PITPNC1: variants seen among roughly 807,000 people sequenced by gnomAD.
PITPNC1 encodes cytoplasmic phosphatidylinositol transfer protein 1.
Under a neutral mutation model 44.7 loss-of-function variants are expected in PITPNC1, and 18 were observed. The ratio of observed to expected loss-of-function variants is 0.40; its 90% CI spans 0.28 to 0.60. The LOEUF is 0.60. Among genes scored for constraint, PITPNC1 ranks in the 20% least tolerant of loss-of-function variants. PITPNC1 has a pLI of 0.39. For missense variants in PITPNC1, 290 were observed against 418.4 expected, an observed-to-expected ratio of 0.69 and a Z score of 2.68; for synonymous variants, 141 against 149.6, an observed-to-expected ratio of 0.94 and a Z score of 0.42.
At chr17:67,509,944 A>G (rs2040160417) in intron 1 of PITPNC1, among the ~76,000 whole-genome samples, 1 of 152,250 alleles carries the variant, frequency 6.6e-6, no homozygotes, top group Non-Finnish European at 1.5e-5. Flanking sequence ...CGTCTAGAAC[A>G]CAGCCGGCTC....
chr17:67,642,956 T>C (rs2042106943), intron 6 of PITPNC1, among the ~76,000 whole-genome samples: 1 of 152,132 alleles, frequency 6.6e-6, no homozygotes, highest in Non-Finnish European at 1.5e-5. Context: ...ATCCTACCAA[T>C]TGAATTTGGT....
At chr17:67,477,954 C>T (rs939313398) in intron 1 of PITPNC1, among the ~76,000 whole-genome samples, 3 of 152,102 alleles carry the variant, frequency 2.0e-5, no homozygotes. Flanking sequence ...CTGGGTCCTT[C>T]CTGTTGAGAG....
intron 1 of PITPNC1, among the ~76,000 whole-genome samples, chr17:67,406,102 G>A (rs1392305794): frequency 2.0e-5 from 3 of 152,066 alleles, no homozygotes; most frequent in Non-Finnish European, 4.4e-5. Flanking sequence ...TTAAGGTTAT[G>A]CACCCATCAC....
chr17:67,419,154 G>T (rs1419114316), intron 1 of PITPNC1, among the ~76,000 whole-genome samples: 1 of 139,592 alleles, frequency 7.2e-6, no homozygotes, highest in East Asian at 1.9e-4. Context: ...GCATGCTTGG[G>T]GGAGAAGGAG....
chr17:67,488,327 C>G (rs17654536), intron 1 of PITPNC1, among the ~76,000 whole-genome samples: 1 of 152,100 alleles, frequency 6.6e-6, no homozygotes, highest in African/African-American at 2.4e-5. Context: ...GCTGGCAGCC[C>G]GGTTGTTATA....
chr17:67,410,636 T>C (rs573184181), intron 1 of PITPNC1, among the ~76,000 whole-genome samples: 2 of 151,748 alleles, frequency 1.3e-5, no homozygotes, highest in Admixed American at 1.3e-4. Flanking sequence ...TCCTCCCACC[T>C]TGGCCTCCCA....
At position 67,413,341 on chromosome 17, in the gene PITPNC1, T is replaced by G. The variant is rs555129494; in HGVS notation, c.48+35139T>G. ...TTGACCCATTAGCTCAGCTATAGAA[T>G]TACTGAATATTTTTAGTATGGCAAT... is the stretch of plus-strand genomic sequence containing the variant. On this transcript the variant is annotated intron_variant, in intron 1 of 8. Transcript: ENST00000581322. Among the ~76,000 whole-genome samples, 9 of 150,798 alleles carry G rather than the reference T, an allele frequency of 6.0e-5. No individual in the cohort carries two copies. The East Asian group carries it at 1.5e-3, about 26-fold the overall frequency.
Position 67,522,659 on chromosome 17 carries a change from C to CTTTTTTTTTTTTTTTTTTTTTTTTTT in PITPNC1, c.49-10129_49-10128insTTTTTTTTTTTTTTTTTTTTTTTTTT, listed in dbSNP as rs773797594. Among the ~76,000 whole-genome samples the CTTTTTTTTTTTTTTTTTTTTTTTTTT allele has an allele frequency of 2.3e-3, 265 of 117,180 alleles. 48 individuals carry two copies. The highest frequency in any genetic ancestry group is 9.7e-3 in the African/African-American group (221 of 22,796). 76.9% of individuals were successfully genotyped at this position (117,180 alleles called of 152,430 possible). On this transcript the variant is annotated intron_variant, in intron 1 of 8. Transcript: ENST00000581322. ...ATATCATAAAATTTACCATTTTAAT[C>CTTTTTTTTTTTTTTTTTTTTTTTTTT]TTTTTTTTTTTTTTGGAAAATGAGG...
At chr17:67,412,691 C>T (rs997244671) in intron 1 of PITPNC1, among the ~76,000 whole-genome samples, 2 of 152,078 alleles carry the variant, frequency 1.3e-5, no homozygotes, top group Non-Finnish European at 1.5e-5. Context: ...CTCAGCCTCC[C>T]GAGAAGCTGG....
At chr17:67,680,797 A>T (rs568055094) in intron 8 of PITPNC1, among the ~76,000 whole-genome samples, 2 of 152,330 alleles carry the variant, frequency 1.3e-5, no homozygotes, top group Non-Finnish European at 2.9e-5. Context: ...GGCATTTCTC[A>T]AAGGATGGCT....
At chr17:67,619,429 T>G (rs920420174) in intron 5 of PITPNC1, among the ~76,000 whole-genome samples, 2 of 152,126 alleles carry the variant, frequency 1.3e-5, no homozygotes, top group African/African-American at 4.8e-5. Context: ...TCCCTCAAGG[T>G]GACCCAAGAT....
At chr17:67,460,455 A>C in intron 1 of PITPNC1, among the ~76,000 whole-genome samples, 1 of 149,824 alleles carries the variant, frequency 6.7e-6, no homozygotes, top group Non-Finnish European at 1.5e-5. Context: ...ACAGAGTCTC[A>C]CTCTGTCAGC....
At position 67,692,999 on chromosome 17, in the gene PITPNC1, C is replaced by G; in HGVS notation, c.*111C>G. 1.4e-6 allele frequency: 1 copy of G among 708,324 alleles called. No individual in the cohort carries two copies. The highest frequency in any genetic ancestry group is 2.7e-5 in the Admixed American group (1 of 37,590). The allele number at this position is 708,324 out of a possible 1,614,324, so 43.9% of individuals were successfully genotyped here. ...GCTTTGTCACTCAAACATGTTCCTT[C>G]GACCTTTCAGTGTGCATGTGACTCA... On this transcript the variant is annotated 3_prime_UTR_variant, in exon 9 of 9. Transcript: ENST00000581322.
intron 8 of PITPNC1, chr17:67,687,257 C>CAG: frequency 2.4e-6 from 2 of 824,232 alleles, no homozygotes; most frequent in Non-Finnish European, 4.2e-6. Flanking sequence ...GGAAATACTG[C>CAG]AGATGCCCGG....
At chr17:67,652,606 C>G (rs1029959753) in intron 6 of PITPNC1, among the ~76,000 whole-genome samples, 1 of 152,136 alleles carries the variant, frequency 6.6e-6, no homozygotes, top group Admixed American at 6.5e-5. Context: ...TTTATAAAAC[C>G]CTGGCTAGAA....
At chr17:67,461,636 A>G (rs2039339305) in intron 1 of PITPNC1, among the ~76,000 whole-genome samples, 1 of 152,184 alleles carries the variant, frequency 6.6e-6, no homozygotes, top group Non-Finnish European at 1.5e-5. Flanking sequence ...AAAGAATCTT[A>G]GAACTGTAGG....
intron 5 of PITPNC1, among the ~76,000 whole-genome samples, chr17:67,594,269 A>C (rs1037801525): frequency 1.3e-5 from 2 of 152,186 alleles, no homozygotes; most frequent in Non-Finnish European, 2.9e-5. Context: ...GAGATGCTGC[A>C]TGTCAAATGC....
At chr17:67,548,691 A>T (rs1430125794) in intron 2 of PITPNC1, among the ~76,000 whole-genome samples, 1 of 152,178 alleles carries the variant, frequency 6.6e-6, no homozygotes, top group Admixed American at 6.5e-5. Flanking sequence ...TGCTTGTGGT[A>T]TCATTTTGCC....
chr17:67,578,367 C>T, intron 5 of PITPNC1, 110 bp downstream of exon 5: 1 of 736,634 alleles, frequency 1.4e-6, no homozygotes, highest in East Asian at 2.6e-5. Context: ...GTGCCTGGGA[C>T]CTCAGAGATG....
Sources: gnomAD v4.1 joint callset for allele counts (sites outside exome capture counted in the v4.1 genomes callset) on GRCh38, gnomAD v4.1.1 for gene constraint, MANE v1.5 for transcripts, NCBI Gene and HGNC (gene_info 2026-07-23, HGNC 2026-07-21) for gene names.